Variants in SNX4 observed in about 807,000 individuals in gnomAD.
The protein encoded by SNX4 is sorting nexin 4, also known as sorting nexin-4.
SNX4 carries 49 observed loss-of-function variants against 70.8 expected under a neutral mutation model. The observed-to-expected ratio is 0.69, with a 90% CI of 0.55 to 0.88. The LOEUF is 0.88. SNX4 is among the 40% of genes least tolerant of loss of function. The pLI is 0.00. For missense variants in SNX4, 528 were observed against 544.8 expected, an observed-to-expected ratio of 0.97 and a Z score of 0.31; for synonymous variants, 206 against 183.8, an observed-to-expected ratio of 1.12 and a Z score of -0.98.
intron 7 of SNX4, among the ~76,000 whole-genome samples, chr3:125,479,280 A>T (rs78295213): frequency 0.018 from 2,787 of 152,292 alleles, 107 homozygotes; most frequent in African/African-American, 0.064. Context: ...CTGGCCAGGC[A>T]TGGTGACTCA....
Position 125,504,714 on chromosome 3 carries a change from T to C in SNX4, c.172A>G (p.Ile58Val). The C allele has an allele frequency of 6.2e-7, 1 of 1,613,924 alleles. No individual in the cohort carries two copies. The highest frequency in any genetic ancestry group is 8.5e-7 in the Non-Finnish European group (1 of 1,179,942). The stretch of plus-strand genomic sequence containing the variant: ...TCTGCTTCTGAAACACTGATTTCTA[T>C]CTTCTTCAACCAAAAATTATTGTGT... ...MTHNNFWLKK[I>V]EISVSEAEKR... is the part of the protein sequence containing the mutation. The change falls in exon 2 of 14, where the codon ATA (isoleucine) becomes GTA (valine). Residue 58 changes from isoleucine to valine, a missense_variant. Ile to Val is a conservative substitution (Grantham distance 29, BLOSUM62 3). Coordinates refer to ENST00000251775, the MANE Select transcript of SNX4 (RefSeq NM_003794.4).
At chr3:125,506,893 A>C (rs915121552) in intron 1 of SNX4, among the ~76,000 whole-genome samples, 2 of 147,256 alleles carry the variant, frequency 1.4e-5, no homozygotes, top group Non-Finnish European at 1.5e-5. Flanking sequence ...GTACAGAGAT[A>C]GAAAACTTAA....
At chr3:125,515,016 G>A (rs2107575156) in intron 1 of SNX4, among the ~76,000 whole-genome samples, 1 of 152,214 alleles carries the variant, frequency 6.6e-6, no homozygotes, top group South Asian at 2.1e-4. Flanking sequence ...AGTGTTGCAT[G>A]CAGTAATGGC....
chr3:125,460,193 T>G (rs550948173), intron 10 of SNX4, among the ~76,000 whole-genome samples: 82 of 137,320 alleles, frequency 6.0e-4, no homozygotes, highest in African/African-American at 2.3e-3. Context: ...AACTCTAGTC[T>G]GTCTCAAAAA....
intron 8 of SNX4, 92 bp downstream of exon 8, chr3:125,476,600 ATCT>A (rs1247927437): frequency 1.0e-5 from 8 of 780,464 alleles, no homozygotes; most frequent in South Asian, 1.6e-5. Context: ...AAAAGAAATA[ATCT>A]TCTCTCCACA....
intron 1 of SNX4, among the ~76,000 whole-genome samples, chr3:125,514,828 C>A (rs148868649): frequency 6.6e-6 from 1 of 152,234 alleles, no homozygotes; most frequent in Non-Finnish European, 1.5e-5. Flanking sequence ...GGACCAAAGG[C>A]ACAGGTCACC....
intron 1 of SNX4, among the ~76,000 whole-genome samples, chr3:125,515,174 C>T (rs1935246734): frequency 7.6e-6 from 1 of 131,794 alleles, no homozygotes; most frequent in Admixed American, 8.1e-5. Flanking sequence ...ATGGCAAAAC[C>T]CCATCTCTAC....
rs1481394884 is a variant in SNX4, at chr3:125,447,551, T to C, written c.*228A>G. 2 of 384,456 alleles carry C rather than the reference T, an allele frequency of 5.2e-6. No homozygotes were observed. Among genetic ancestry groups the C allele is most frequent in the African/African-American group, 4.2e-5 (2 of 47,536 alleles). 23.8% of individuals were successfully genotyped at this position (384,456 alleles called of 1,614,324 possible). ...TGTTGGTATATATTATTAAATTAAC[T>C]TTTTGGAATCAGCACCAGTCCCCAA... is the stretch of plus-strand genomic sequence containing the variant. On this transcript the variant is annotated 3_prime_UTR_variant, in exon 14 of 14. Coordinates refer to ENST00000251775, the MANE Select transcript of SNX4 (RefSeq NM_003794.4).
At chr3:125,500,892 A>AC (rs1934915169) in intron 2 of SNX4, among the ~76,000 whole-genome samples, 2 of 40,984 alleles carry the variant, frequency 4.9e-5, no homozygotes, top group Admixed American at 3.0e-4. Flanking sequence ...GCTAATTTAC[A>AC]AAAAAAAAAA....
intron 6 of SNX4, 59 bp from the exon 7 acceptor site, chr3:125,480,378 G>A (rs1037593936): frequency 1.2e-5 from 14 of 1,156,422 alleles, no homozygotes; most frequent in Admixed American, 5.3e-5. Flanking sequence ...GTCAAAAACT[G>A]AAAGAAAAAA....
At chr3:125,451,461 T>C in intron 12 of SNX4, 42 bp from the exon 13 acceptor site, 1 of 1,427,816 alleles carries the variant, frequency 7.0e-7, no homozygotes. Context: ...TTAAGTTAAA[T>C]AAACTGTGTA....
intron 1 of SNX4, among the ~76,000 whole-genome samples, chr3:125,512,874 T>C (rs75246721): frequency 0.013 from 2,020 of 152,080 alleles, 39 homozygotes; most frequent in African/African-American, 0.038. Flanking sequence ...GTGATTCTCA[T>C]GTTTCAGCCA....
chr3:125,503,221 A>G (rs1483039145), intron 2 of SNX4, among the ~76,000 whole-genome samples: 2 of 152,212 alleles, frequency 1.3e-5, no homozygotes, highest in East Asian at 1.9e-4. Context: ...TTGGTAGTCT[A>G]TAATTTTACC....
At chr3:125,485,429 C>A (rs1934500658) in intron 6 of SNX4, among the ~76,000 whole-genome samples, 2 of 152,058 alleles carry the variant, frequency 1.3e-5, no homozygotes, top group Non-Finnish European at 2.9e-5. Flanking sequence ...CCCCAAGTAG[C>A]TGGGATTACA....
chr3:125,498,681 A>G (rs1177643699), intron 2 of SNX4, among the ~76,000 whole-genome samples: 1 of 152,188 alleles, frequency 6.6e-6, no homozygotes, highest in Non-Finnish European at 1.5e-5. Flanking sequence ...TCTGCCTATG[A>G]TCACAAAGGT....
chr3:125,469,391 A>G (rs902159748), intron 9 of SNX4, 63 bp downstream of exon 9: 1 of 1,045,822 alleles, frequency 9.6e-7, no homozygotes, highest in African/African-American at 1.6e-5. Context: ...AGAATAGAAG[A>G]GTCACTAATG....
intron 6 of SNX4, among the ~76,000 whole-genome samples, chr3:125,487,263 CCT>C (rs1934552036): frequency 6.6e-6 from 1 of 152,064 alleles, no homozygotes; most frequent in Non-Finnish European, 1.5e-5. Context: ...ACAAACAAAT[CCT>C]GTTACTAATT....
At chr3:125,464,507 A>G (rs949328452) in intron 9 of SNX4, among the ~76,000 whole-genome samples, 4 of 149,584 alleles carry the variant, frequency 2.7e-5, no homozygotes, top group Non-Finnish European at 1.5e-5. Flanking sequence ...GAAATGAGCT[A>G]TAGAAGTGTG....
chr3:125,490,149 A>G (rs1215613946), intron 5 of SNX4, among the ~76,000 whole-genome samples: 1 of 151,752 alleles, frequency 6.6e-6, no homozygotes, highest in Non-Finnish European at 1.5e-5. Context: ...CTACTGCTTT[A>G]GAGTCTGCAT....
Sources: gnomAD v4.1 joint callset for allele counts (sites outside exome capture counted in the v4.1 genomes callset) on GRCh38, gnomAD v4.1.1 for gene constraint, MANE v1.5 for transcripts, NCBI Gene and HGNC (gene_info 2026-07-23, HGNC 2026-07-21) for gene names.